The following CCDC102B variants were observed in gnomAD, a reference collection of about 807,000 sequenced individuals.
The protein encoded by CCDC102B is coiled-coil domain-containing protein 102B.
CCDC102B carries 75 observed loss-of-function variants against 57.4 expected under a neutral mutation model. The ratio of observed to expected loss-of-function variants is 1.31; its 90% CI spans 1.08 to 1.58. The LOEUF is 1.58. Among genes scored for constraint, CCDC102B ranks in the 40% most tolerant of loss-of-function variants. The pLI, the probability that CCDC102B is intolerant of heterozygous loss-of-function variation, is 0.00. For missense variants in CCDC102B, 636 were observed against 582.6 expected, an observed-to-expected ratio of 1.09 and a Z score of -0.94; for synonymous variants, 206 against 201.9, an observed-to-expected ratio of 1.02 and a Z score of -0.17.
At chr18:68,805,153 T>G (rs960188187) in intron 1 of CCDC102B, among the ~76,000 whole-genome samples, 1 of 152,174 alleles carries the variant, frequency 6.6e-6, no homozygotes, top group African/African-American at 2.4e-5. Flanking sequence ...TTACATATCT[T>G]TTGTAAGTGA....
At chr18:69,030,507 C>G (rs950342798) in intron 7 of CCDC102B, among the ~76,000 whole-genome samples, 2 of 152,086 alleles carry the variant, frequency 1.3e-5, no homozygotes, top group Non-Finnish European at 2.9e-5. Flanking sequence ...ATAAGTTGTT[C>G]ATTTTTATTT....
intron 7 of CCDC102B, among the ~76,000 whole-genome samples, chr18:69,049,816 A>ATTTTT (rs60818982): frequency 1.1e-4 from 16 of 147,416 alleles, no homozygotes; most frequent in Admixed American, 4.1e-4. Context: ...TTTTCATTGC[A>ATTTTT]TTTTTTTTTT....
chr18:68,969,378 A>G (rs1007319998), intron 6 of CCDC102B, among the ~76,000 whole-genome samples: 7 of 151,946 alleles, frequency 4.6e-5, no homozygotes, highest in Non-Finnish European at 2.9e-5. Flanking sequence ...AATGGTACTT[A>G]TGCAGTTTTC....
chr18:68,848,502 G>A (rs957267326), intron 4 of CCDC102B, among the ~76,000 whole-genome samples: 1 of 151,990 alleles, frequency 6.6e-6, no homozygotes, highest in African/African-American at 2.4e-5. Flanking sequence ...TGAAAGTCTG[G>A]TGTGCTTTTA....
chr18:69,056,681 A>ATAGATAGATAGG (rs1426862753), downstream of CCDC102B, among the ~76,000 whole-genome samples: 226 of 151,382 alleles, frequency 1.5e-3, 1 homozygote, highest in African/African-American at 4.7e-3. Context: ...AGATAGATAG[A>ATAGATAGATAGG]TAGGATAGAG....
intron 6 of CCDC102B, among the ~76,000 whole-genome samples, chr18:68,981,058 T>C (rs941310196): frequency 1.3e-5 from 2 of 152,082 alleles, no homozygotes; most frequent in African/African-American, 4.8e-5. Context: ...AGAGTAGATA[T>C]CATTGGATGG....
chr18:68,914,970 G>GC (rs2041012100), intron 6 of CCDC102B, among the ~76,000 whole-genome samples: 1 of 40,980 alleles, frequency 2.4e-5, no homozygotes, highest in African/African-American at 9.3e-5. Flanking sequence ...AGGCACTACT[G>GC]GGGGGAGAGA....
chr18:68,838,652 A>G, intron 2 of CCDC102B, 54 bp from the exon 3 acceptor site: 2 of 1,578,054 alleles, frequency 1.3e-6, no homozygotes, highest in Non-Finnish European at 1.7e-6. Flanking sequence ...ATGTTTTGTC[A>G]TCATGATTTT....
At chr18:69,017,242 A>C (rs772243623) in intron 7 of CCDC102B, among the ~76,000 whole-genome samples, 28 of 152,046 alleles carry the variant, frequency 1.8e-4, no homozygotes, top group Non-Finnish European at 3.8e-4. Context: ...CAGCCCCGCA[A>C]ATAGCTGGGA....
At chr18:68,901,688 T>C (rs2040459557) in intron 6 of CCDC102B, among the ~76,000 whole-genome samples, 1 of 152,194 alleles carries the variant, frequency 6.6e-6, no homozygotes, top group Non-Finnish European at 1.5e-5. Context: ...TTATGCAAAT[T>C]CTCAGAGTGC....
intron 4 of CCDC102B, among the ~76,000 whole-genome samples, chr18:68,874,292 G>C (rs2144930541): frequency 6.6e-6 from 1 of 151,228 alleles, no homozygotes; most frequent in South Asian, 2.1e-4. Context: ...ATAGAAAATA[G>C]ACATAAAAAG....
intron 2 of CCDC102B, among the ~76,000 whole-genome samples, chr18:68,757,203 C>T (rs1030783034): frequency 2.0e-5 from 3 of 152,098 alleles, no homozygotes; most frequent in African/African-American, 7.2e-5. Flanking sequence ...ACATACTGTG[C>T]TTGCTTACGT....
intron 7 of CCDC102B, among the ~76,000 whole-genome samples, chr18:69,037,422 G>A (rs1374325744): frequency 6.6e-6 from 1 of 152,008 alleles, no homozygotes; most frequent in African/African-American, 2.4e-5. Context: ...ACAAGAGGTA[G>A]AATAAAGTGT....
At chr18:69,045,123 T>C (rs2052527929) in intron 7 of CCDC102B, among the ~76,000 whole-genome samples, 1 of 152,016 alleles carries the variant, frequency 6.6e-6, no homozygotes, top group African/African-American at 2.4e-5. Context: ...CTTACTCTAC[T>C]TCCAGGTAGA....
upstream of CCDC102B, among the ~76,000 whole-genome samples, chr18:68,797,422 T>TC (rs1229876573): frequency 2.0e-5 from 3 of 151,808 alleles, no homozygotes; most frequent in East Asian, 2.0e-4. Flanking sequence ...ATCTCTCGCC[T>TC]CCCCCCTCAA....
In CCDC102B at chr18:68,838,632, C is replaced by G. The variant is rs540210402; in HGVS notation, c.607-74C>G. ...GGTTGTGGTATCGTAACATTTATTT[C>G]TTTATGAAAATGTTTTGTCATCATG... On this transcript the variant is annotated intron_variant, in intron 2 of 7. Coordinates refer to ENST00000360242, the MANE Select transcript of CCDC102B (RefSeq NM_024781.3). 5 of 1,544,018 alleles carry G rather than the reference C, an allele frequency of 3.2e-6. No individual in the cohort carries two copies. The Admixed American group carries it at 7.9e-5, about 24-fold the overall frequency.
chr18:68,871,319 A>C (rs1478317780), intron 4 of CCDC102B, among the ~76,000 whole-genome samples: 1 of 152,148 alleles, frequency 6.6e-6, no homozygotes, highest in Non-Finnish European at 1.5e-5. Context: ...AACTTAACGA[A>C]TGTGATATAT....
At chr18:68,881,708 G>A (rs2039699330) in intron 5 of CCDC102B, among the ~76,000 whole-genome samples, 1 of 152,082 alleles carries the variant, frequency 6.6e-6, no homozygotes, top group South Asian at 2.1e-4. Flanking sequence ...AACTTCTTGA[G>A]TTTCCAGCTT....
chr18:68,989,156 A>G (rs1480930544), intron 6 of CCDC102B, among the ~76,000 whole-genome samples: 1 of 152,140 alleles, frequency 6.6e-6, no homozygotes, highest in African/African-American at 2.4e-5. Context: ...TTCTCTCACA[A>G]TTCACTAATG....
Sources: allele counts gnomAD v4.1 joint callset (sites outside exome capture counted in the v4.1 genomes callset), GRCh38; gene constraint gnomAD v4.1.1; transcripts MANE v1.5; gene names NCBI Gene and HGNC (gene_info 2026-07-23, HGNC 2026-07-21).